Variants in MYO3B observed in about 807,000 individuals in gnomAD.
The protein encoded by MYO3B is myosin IIIB, also known as myosin-IIIb.
Under a neutral mutation model 174.6 loss-of-function variants are expected in MYO3B, and 156 were observed. That is an observed-to-expected ratio of 0.89 (90% CI 0.78 to 1.02). The LOEUF (loss-of-function observed/expected upper bound fraction) is 1.02. MYO3B is among the 50% of genes least tolerant of loss of function. MYO3B has a pLI of 0.00. For synonymous variants in MYO3B, 563 were observed against 569.1 expected, an observed-to-expected ratio of 0.99 and a Z score of 0.15; for missense variants, 1,632 against 1,639.4, an observed-to-expected ratio of 1.00 and a Z score of 0.08.
At chr2:170,186,306 G>GTT (rs34887598) in intron 1 of MYO3B, among the ~76,000 whole-genome samples, 6 of 151,894 alleles carry the variant, frequency 4.0e-5, no homozygotes, top group South Asian at 2.1e-4. Context: ...TCTATACCCA[G>GTT]TTTTTTTTAG....
At chr2:170,550,426 G>A (rs1403232322) in intron 32 of MYO3B, among the ~76,000 whole-genome samples, 1 of 152,308 alleles carries the variant, frequency 6.6e-6, no homozygotes, top group Middle Eastern at 3.4e-3. Flanking sequence ...TGTGTGGGAT[G>A]GAGGCGGGGA....
At chr2:170,514,755 A>G (rs954038919) in intron 28 of MYO3B, among the ~76,000 whole-genome samples, 166 bp from the exon 29 acceptor site, 3 of 152,238 alleles carry the variant, frequency 2.0e-5, no homozygotes. Flanking sequence ...ACACTGTATT[A>G]AATCTTAAAA....
rs1045423444 is a variant in MYO3B at position 170,631,300 on chromosome 2, A to G, written c.3734-20328A>G. On this transcript the variant is annotated intron_variant, in intron 32 of 34. Coordinates refer to ENST00000408978, the MANE Select transcript of MYO3B (RefSeq NM_138995.5). The stretch of plus-strand genomic sequence containing the variant: ...CTATCAACTGGAAGAAAGGGTATCA[A>G]TGATGGAAGATCAAATGAATGAAAT... Among the ~76,000 whole-genome samples, 37 of 152,096 alleles carry G rather than the reference A, an allele frequency of 2.4e-4. 1 individual carries two copies.
chr2:170,572,271 T>C (rs1309427789), intron 32 of MYO3B, among the ~76,000 whole-genome samples: 1 of 151,886 alleles, frequency 6.6e-6, no homozygotes, highest in Admixed American at 6.6e-5. Context: ...CTACTAAAAA[T>C]ACAAAAATTA....
intron 9 of MYO3B, among the ~76,000 whole-genome samples, chr2:170,372,118 C>CAAAAAAAAAAAAAAAAAAAAAAAAAA (rs769243145): frequency 1.4e-4 from 3 of 22,216 alleles, no homozygotes; most frequent in Non-Finnish European, 1.9e-4. Flanking sequence ...GACCCTGTCT[C>CAAAAAAAAAAAAAAAAAAAAAAAAAA]AAAAAAAAAA....
chr2:170,652,722 C>T (rs1444206845), intron 34 of MYO3B, among the ~76,000 whole-genome samples: 1 of 152,184 alleles, frequency 6.6e-6, no homozygotes, highest in Non-Finnish European at 1.5e-5. Flanking sequence ...TCCCATAAAG[C>T]AAGTTGCAAT....
chr2:170,403,984 T>A (rs1416566558), intron 19 of MYO3B, among the ~76,000 whole-genome samples: 1 of 152,212 alleles, frequency 6.6e-6, no homozygotes, highest in Admixed American at 6.5e-5. Flanking sequence ...GTACATTAGT[T>A]TCTAAATGAT....
intron 30 of MYO3B, among the ~76,000 whole-genome samples, chr2:170,537,073 C>T (rs549419342): frequency 9.9e-5 from 15 of 151,752 alleles, no homozygotes; most frequent in East Asian, 9.7e-4. Flanking sequence ...TGGTGGTGGG[C>T]GCTTGTAATC....
intron 7 of MYO3B, among the ~76,000 whole-genome samples, chr2:170,262,310 C>T (rs2093351569): frequency 6.6e-6 from 1 of 152,118 alleles, no homozygotes; most frequent in South Asian, 2.1e-4. Flanking sequence ...AGAGACGGGG[C>T]TAGATGGTTA....
chr2:170,415,323 C>G (rs944680655), intron 22 of MYO3B, among the ~76,000 whole-genome samples: 4 of 152,176 alleles, frequency 2.6e-5, no homozygotes, highest in Non-Finnish European at 5.9e-5. Context: ...CTAAACCTAC[C>G]TTTTCTGGCT....
chr2:170,582,986 G>C (rs1057511219), intron 32 of MYO3B, among the ~76,000 whole-genome samples: 1 of 151,916 alleles, frequency 6.6e-6, no homozygotes, highest in African/African-American at 2.4e-5. Context: ...ACTAGCCTTG[G>C]ACTCTCTGGC....
At chr2:170,427,354 G>A (rs1472163619) in intron 22 of MYO3B, among the ~76,000 whole-genome samples, 1 of 152,126 alleles carries the variant, frequency 6.6e-6, no homozygotes, top group Non-Finnish European at 1.5e-5. Flanking sequence ...AGTTAGTTTG[G>A]ATAATACAGC....
At chr2:170,363,197 GAC>G (rs1239290753) in intron 8 of MYO3B, among the ~76,000 whole-genome samples, 1 of 152,106 alleles carries the variant, frequency 6.6e-6, no homozygotes, top group African/African-American at 2.4e-5. Flanking sequence ...AAGTATAAAA[GAC>G]AGAATATTTA....
At chr2:170,361,979 G>A (rs562703541) in intron 8 of MYO3B, among the ~76,000 whole-genome samples, 46 of 152,224 alleles carry the variant, frequency 3.0e-4, no homozygotes, top group Middle Eastern at 3.4e-3. Flanking sequence ...AGAGATAGAG[G>A]GTAAAGAGGT....
Position 170,542,958 on chromosome 2 carries a change from G to A in MYO3B, c.3628G>A (p.Ala1210Thr), listed in dbSNP as rs1356342998. 12 of 1,608,954 alleles carry A rather than the reference G, an allele frequency of 7.5e-6. No individual in the cohort carries two copies. The highest frequency in any genetic ancestry group is 1.3e-5 in the African/African-American group (1 of 74,852). ...AGGGTGCGATATCTTCGCAGGACAT[G>A]CAAACAAGGTAGCTGGATATCTTGA... ...PKGCDIFAGHANKHSVSGTDL... is the reference protein window; with the variant it reads ...PKGCDIFAGHTNKHSVSGTDL... Residue 1210 changes from alanine to threonine, a missense_variant, in exon 31 of 35, where the codon GCA becomes ACA. Transcript: ENST00000408978.
chr2:170,574,720 G>C (rs1454654590), intron 32 of MYO3B, among the ~76,000 whole-genome samples: 1 of 152,084 alleles, frequency 6.6e-6, no homozygotes, highest in Non-Finnish European at 1.5e-5. Flanking sequence ...TTAGAATCAG[G>C]GTAATAATTA....
chr2:170,575,148 T>A (rs72625224), intron 32 of MYO3B, among the ~76,000 whole-genome samples: 7,114 of 152,298 alleles, frequency 0.047, 368 homozygotes, highest in East Asian at 0.25. Flanking sequence ...TATTTGGGTT[T>A]TATTGTATCT....
chr2:170,458,876 A>G (rs1216346692), intron 23 of MYO3B, among the ~76,000 whole-genome samples: 1 of 152,250 alleles, frequency 6.6e-6, no homozygotes, highest in Non-Finnish European at 1.5e-5. Context: ...TTCTTCAATT[A>G]GAAAATACTC....
chr2:170,536,310 G>T (rs1575130671), intron 30 of MYO3B, among the ~76,000 whole-genome samples: 1 of 152,314 alleles, frequency 6.6e-6, no homozygotes, highest in African/African-American at 2.4e-5. Context: ...GAGCCCTTCT[G>T]ATGAATTTAT....
Sources: gnomAD v4.1 joint callset for allele counts (sites outside exome capture counted in the v4.1 genomes callset) on GRCh38, gnomAD v4.1.1 for gene constraint, MANE v1.5 for transcripts, NCBI Gene and HGNC (gene_info 2026-07-23, HGNC 2026-07-21) for gene names.